Variants in NXPH1 observed in about 807,000 individuals in gnomAD.
The protein encoded by NXPH1 is neurexophilin 1.
A neutral mutation model predicts 23.7 loss-of-function variants in NXPH1; 5 were observed. The ratio of observed to expected loss-of-function variants is 0.21; its 90% confidence interval spans 0.11 to 0.44. NXPH1 has a LOEUF of 0.44. Among genes scored for constraint, NXPH1 ranks in the 20% least tolerant of loss-of-function variants. The probability of loss-of-function intolerance (pLI) is 0.99; values close to 1 mark genes in which losing one functional copy is unlikely to be tolerated. For missense variants in NXPH1, 324 were observed against 321.6 expected (o/e 1.01, Z -0.06); for synonymous variants, 144 against 122.2 (o/e 1.18, Z -1.18).
intron 2 of NXPH1, among the ~76,000 whole-genome samples, chr7:8,587,741 A>T (rs969258779): frequency 6.6e-6 from 1 of 151,850 alleles, no homozygotes; most frequent in Non-Finnish European, 1.5e-5. Flanking sequence ...CGGTGTTTGG[A>T]TTTCTGTTCC....
intron 2 of NXPH1, among the ~76,000 whole-genome samples, chr7:8,505,431 C>T (rs1342696887): frequency 6.6e-6 from 1 of 151,906 alleles, no homozygotes; most frequent in African/African-American, 2.4e-5. Flanking sequence ...CATTTGTGAG[C>T]AATATACCAT....
chr7:8,558,854 A>C (rs915429000), intron 2 of NXPH1, among the ~76,000 whole-genome samples: 2 of 151,598 alleles, frequency 1.3e-5, no homozygotes, highest in African/African-American at 2.4e-5. Flanking sequence ...TTTTGTGTTG[A>C]TTATCTTGCT....
intron 2 of NXPH1, among the ~76,000 whole-genome samples, chr7:8,566,449 C>T (rs967909966): frequency 5.9e-5 from 9 of 151,722 alleles, no homozygotes; most frequent in Non-Finnish European, 1.2e-4. Context: ...AGGAGATTGG[C>T]ATGTGAGTTT....
chr7:8,467,971 G>T (rs1474696124), intron 2 of NXPH1, among the ~76,000 whole-genome samples: 1 of 152,032 alleles, frequency 6.6e-6, no homozygotes, highest in East Asian at 1.9e-4. Flanking sequence ...TAATTTGTAT[G>T]CAGTTAATTA....
At chr7:8,524,147 C>G (rs1341361168) in intron 2 of NXPH1, among the ~76,000 whole-genome samples, 1 of 142,700 alleles carries the variant, frequency 7.0e-6, no homozygotes, top group Non-Finnish European at 1.5e-5. Flanking sequence ...GAGGTCGAGG[C>G]AGGAGAATCG....
At chr7:8,559,990 C>T (rs896466241) in intron 2 of NXPH1, among the ~76,000 whole-genome samples, 3 of 151,554 alleles carry the variant, frequency 2.0e-5, no homozygotes, top group Middle Eastern at 3.2e-3. Context: ...AGAATGGTAA[C>T]GGTAGAGCCA....
intron 2 of NXPH1, among the ~76,000 whole-genome samples, chr7:8,533,111 G>C (rs1433620272): frequency 6.6e-6 from 1 of 152,116 alleles, no homozygotes; most frequent in Non-Finnish European, 1.5e-5. Context: ...TAAGTGACCT[G>C]TTTTAGGTCA....
intron 2 of NXPH1, among the ~76,000 whole-genome samples, chr7:8,451,842 A>G (rs1816511848): frequency 6.6e-6 from 1 of 152,228 alleles, no homozygotes; most frequent in African/African-American, 2.4e-5. Context: ...ATTGCTGCAT[A>G]GGCAAGAAGA....
At chr7:8,640,590 C>G (rs961917869) in intron 2 of NXPH1, among the ~76,000 whole-genome samples, 17 of 151,960 alleles carry the variant, frequency 1.1e-4, no homozygotes, top group Non-Finnish European at 2.5e-4. Flanking sequence ...AGTGCTCACT[C>G]ATTATTTTTT....
intron 2 of NXPH1, among the ~76,000 whole-genome samples, chr7:8,573,909 A>G (rs17151472): frequency 6.6e-6 from 1 of 152,146 alleles, no homozygotes; most frequent in Non-Finnish European, 1.5e-5. Context: ...CAGTGACTAC[A>G]TAAAGCTCCT....
chr7:8,739,697 A>G (rs1464485753), intron 2 of NXPH1, among the ~76,000 whole-genome samples: 1 of 152,104 alleles, frequency 6.6e-6, no homozygotes, highest in African/African-American at 2.4e-5. Flanking sequence ...AAAACTTTTG[A>G]TTATTGTGTA....
chr7:8,722,152 A>G (rs1400610312), intron 2 of NXPH1, among the ~76,000 whole-genome samples: 1 of 152,166 alleles, frequency 6.6e-6, no homozygotes, highest in East Asian at 1.9e-4. Context: ...TGCGAAAAAA[A>G]AAGACTTCCA....
intron 2 of NXPH1, among the ~76,000 whole-genome samples, chr7:8,500,969 T>C (rs537867048): frequency 3.9e-4 from 59 of 152,162 alleles, no homozygotes; most frequent in African/African-American, 1.4e-3. Context: ...TAAAACATAA[T>C]GTTCAGAAGT....
intron 2 of NXPH1, among the ~76,000 whole-genome samples, chr7:8,505,356 C>A (rs934660659): frequency 6.6e-5 from 10 of 151,990 alleles, no homozygotes; most frequent in African/African-American, 2.4e-4. Context: ...AACCTCCTCT[C>A]CAGTTCTGGG....
At chr7:8,558,368 ACAT>A (rs1818393335) in intron 2 of NXPH1, among the ~76,000 whole-genome samples, 1 of 151,720 alleles carries the variant, frequency 6.6e-6, no homozygotes, top group Admixed American at 6.6e-5. Flanking sequence ...GTGCCACTGG[ACAT>A]CCTGTTAGAC....
rs1043660007 is a variant in NXPH1, at chr7:8,626,216, G to A, written c.55-124792G>A. On this transcript the variant is annotated intron_variant, in intron 2 of 2. Transcript: ENST00000405863. ...GAAAAAAAAAAGAACATTTTAATAA[G>A]GAAAGTGCTGGTAGTGACCTCATAT... 2.6e-5 allele frequency among the ~76,000 whole-genome samples: 4 copies of A among 151,870 alleles called. No homozygotes were observed. In the South Asian group the frequency reaches 6.2e-4, roughly 24 times the overall value.
At chr7:8,499,406 A>G (rs1584195102) in intron 2 of NXPH1, among the ~76,000 whole-genome samples, 1 of 152,142 alleles carries the variant, frequency 6.6e-6, no homozygotes, top group Middle Eastern at 3.4e-3. Flanking sequence ...AAGGCTCTGT[A>G]ATAAGGGCCC....
intron 2 of NXPH1, among the ~76,000 whole-genome samples, chr7:8,748,723 C>T (rs1055462989): frequency 6.6e-6 from 1 of 152,170 alleles, no homozygotes; most frequent in Non-Finnish European, 1.5e-5. Context: ...TTTTTGTTAG[C>T]CTACCCAGAG....
chr7:8,718,856 C>T (rs115732860), intron 2 of NXPH1, among the ~76,000 whole-genome samples: 1,983 of 152,248 alleles, frequency 0.013, 44 homozygotes, highest in African/African-American at 0.045. Context: ...ATCCACCAAA[C>T]GAAGCAAATA....
Sources: gnomAD v4.1 joint callset for allele counts (sites outside exome capture counted in the v4.1 genomes callset) on GRCh38, gnomAD v4.1.1 for gene constraint, MANE v1.5 for transcripts, NCBI Gene and HGNC (gene_info 2026-07-23, HGNC 2026-07-21) for gene names.